The following GMEB2 variants were observed in gnomAD, a reference collection of about 807,000 sequenced individuals.
GMEB2 encodes the protein glucocorticoid modulatory element binding protein 2.
A neutral mutation model predicts 45.7 loss-of-function variants in GMEB2; 7 were observed. The observed-to-expected ratio is 0.15, with a 90% CI of 0.09 to 0.29. GMEB2 has a LOEUF of 0.29. Ranked by LOEUF, GMEB2 falls within the 10% of genes least tolerant of loss-of-function variation. GMEB2 has a pLI of 1.00. For synonymous variants in GMEB2, 322 were observed against 323.6 expected (o/e 1.00, Z 0.05); for missense variants, 582 against 739.2 (o/e 0.79, Z 2.47).
intron 1 of GMEB2, among the ~76,000 whole-genome samples, chr20:63,622,358 G>A (rs1465021090): frequency 2.0e-5 from 3 of 152,162 alleles, no homozygotes; most frequent in Non-Finnish European, 4.4e-5. Flanking sequence ...CCAGGCCTCT[G>A]CAATTATGCC....
chr20:63,603,944 C>T (rs1470262839), intron 3 of GMEB2, among the ~76,000 whole-genome samples: 1 of 151,182 alleles, frequency 6.6e-6, no homozygotes, highest in Non-Finnish European at 1.5e-5. Context: ...ATCTCAGCTA[C>T]TTGGGAGGCT....
chr20:63,615,939 ATCTAT>A (rs1352387111), intron 2 of GMEB2, among the ~76,000 whole-genome samples: 9 of 152,240 alleles, frequency 5.9e-5, no homozygotes, highest in African/African-American at 1.9e-4. Flanking sequence ...ATCTGGAAAG[ATCTAT>A]TCTAAGGTGT....
At chr20:63,626,034 A>G (rs2146100213) in intron 1 of GMEB2, among the ~76,000 whole-genome samples, 1 of 152,372 alleles carries the variant, frequency 6.6e-6, no homozygotes, top group African/African-American at 2.4e-5. Flanking sequence ...TCAGTCACGC[A>G]TGAATTACAC....
At chr20:63,622,829 A>C in intron 1 of GMEB2, among the ~76,000 whole-genome samples, 1 of 152,208 alleles carries the variant, frequency 6.6e-6, no homozygotes. Flanking sequence ...ACCCATTCTC[A>C]AAGAAAAGGA....
intron 2 of GMEB2, among the ~76,000 whole-genome samples, chr20:63,609,481 G>C (rs1200779575): frequency 2.1e-5 from 1 of 46,564 alleles, no homozygotes; most frequent in Non-Finnish European, 5.6e-5. Context: ...ATGTCCCTCT[G>C]ACCCCACATC....
Position 63,589,472 on chromosome 20 carries a change from G to C in GMEB2, c.*617C>G, listed in dbSNP as rs1009363751. The C allele has an allele frequency of 5.4e-5, 17 of 312,352 alleles. No individual in the cohort carries two copies. Among genetic ancestry groups the C allele is most frequent in the African/African-American group, 8.5e-5 (4 of 46,864 alleles). 19.3% of individuals were successfully genotyped at this position (312,352 alleles called of 1,614,324 possible). ...GGCCACCTGAGCACCGGCTGGGGGC[G>C]GGGGAGGCAGGCACCCATCAGGATC... On this transcript the variant is annotated 3_prime_UTR_variant, in exon 10 of 10. Coordinates refer to ENST00000370077, the MANE Select transcript of GMEB2 (RefSeq NM_012384.5).
rs532928401 is a variant in GMEB2 at position 63,588,557 on chromosome 20, C to T, written c.*1532G>A. 8 of 397,274 alleles carry T rather than the reference C, an allele frequency of 2.0e-5. No homozygotes were observed. Among genetic ancestry groups the T allele is most frequent in the African/African-American group, 6.2e-5 (3 of 48,762 alleles). 24.6% of individuals were successfully genotyped at this position (397,274 alleles called of 1,614,324 possible). ...TGTAACAGAGAAAACAAACAAGACA[C>T]AGCCTCAGTAGCTTGACATGGGTGA... is the stretch of plus-strand genomic sequence containing the variant. On this transcript the variant is annotated 3_prime_UTR_variant, in exon 10 of 10. Coordinates refer to ENST00000370077, the MANE Select transcript of GMEB2 (RefSeq NM_012384.5).
At chr20:63,607,632 C>T (rs202077658) in intron 2 of GMEB2, among the ~76,000 whole-genome samples, 4 of 14,864 alleles carry the variant, frequency 2.7e-4, no homozygotes, top group Non-Finnish European at 1.3e-3. Context: ...TAGAAACATG[C>T]CCCTCTGACC....
Position 63,619,457 on chromosome 20 carries a change from G to A in GMEB2, c.-57-3C>T. 8.9e-6 allele frequency: 14 copies of A among 1,574,036 alleles called. No homozygotes were observed. Among genetic ancestry groups the A allele is most frequent in the Non-Finnish European group, 9.5e-6 (11 of 1,161,842 alleles). Reference sequence around the variant, plus strand: ...TCAGTCCTCCAGGGTCCCAAGTCCTGGAGGAAGCAAGGCAGGGCACAGGGA... The same window carrying A: ...TCAGTCCTCCAGGGTCCCAAGTCCTAGAGGAAGCAAGGCAGGGCACAGGGA... On this transcript the variant is annotated splice_region_variant and splice_polypyrimidine_tract_variant and intron_variant, in intron 1 of 9. Coordinates refer to ENST00000370077, the MANE Select transcript of GMEB2 (RefSeq NM_012384.5). This position sits in a 1 kb window ranked among gnomAD's most constrained non-coding sequence, Gnocchi z 4.6.
chr20:63,597,149 TTCC>T (rs1469237087), intron 5 of GMEB2, among the ~76,000 whole-genome samples: 1 of 147,012 alleles, frequency 6.8e-6, no homozygotes, highest in Non-Finnish European at 1.5e-5. Context: ...CCCTTTTCTT[TTCC>T]TTTTTATTCT....
Position 63,590,507 on chromosome 20 carries a change from T to C in GMEB2, c.1175A>G (p.Gln392Arg). The stretch of plus-strand genomic sequence containing the variant: ...TTTACCAAGGGGCACGCTGGTCAGC[T>C]GGGGGACGGGCACGCCCGGGCCAAG... ...LALGPGVPVP[Q>R]LTSVPLGKVV... The change falls in exon 10 of 10, where the codon CAG becomes CGG. Residue 392 changes from glutamine (Q) to arginine (R), a missense_variant. Gln to Arg is a conservative substitution (Grantham distance 43, BLOSUM62 1). Around this residue, in one of 3 missense-constraint regions of GMEB2, gnomAD observed 462 missense variants for 586.7 expected, o/e 0.79. Coordinates refer to ENST00000370077, the MANE Select transcript of GMEB2 (RefSeq NM_012384.5). 1 of 1,507,368 alleles carries C rather than the reference T, an allele frequency of 6.6e-7. No homozygotes were observed. Among genetic ancestry groups the C allele is most frequent in the East Asian group, 2.4e-5 (1 of 42,388 alleles). The allele number at this position is 1,507,368 out of a possible 1,614,324, so 93.4% of individuals were successfully genotyped here. A position where few individuals can be genotyped will look rare whatever the true frequency, so the allele number is the denominator to read the frequency against.
At chr20:63,600,742 C>T (rs961830723) in intron 4 of GMEB2, among the ~76,000 whole-genome samples, 6 of 129,574 alleles carry the variant, frequency 4.6e-5, no homozygotes, top group African/African-American at 1.7e-4. Flanking sequence ...AAAAAAAAGA[C>T]GGAGCAGCTT....
Position 63,590,124 on chromosome 20 carries a change from C to A in GMEB2, c.1558G>T (p.Val520Leu), listed in dbSNP as rs755080232. 2 of 1,535,574 alleles carry A rather than the reference C, an allele frequency of 1.3e-6. No homozygotes were observed. Among genetic ancestry groups the A allele is most frequent in the Non-Finnish European group, 1.8e-6 (2 of 1,140,050 alleles). The change falls in exon 10 of 10, where the codon GTG (valine) becomes TTG (leucine). Residue 520 changes from valine to leucine, a missense_variant. Val to Leu is a conservative substitution (Grantham distance 32, BLOSUM62 1). Coordinates refer to ENST00000370077, the MANE Select transcript of GMEB2 (RefSeq NM_012384.5). ...TCGTGGTCCTCTGCCATGGCAGCCA[C>A]CTCAATGGTGGCCGTGTGCTCCTCA... ...GPEEHTATIE[V>L]AAMAEDHERK
In GMEB2 at chr20:63,601,317, T is replaced by C. The variant is rs901820679; in HGVS notation, c.357+1648A>G. Among the ~76,000 whole-genome samples the C allele has an allele frequency of 2.6e-5, 4 of 152,174 alleles. No individual in the cohort carries two copies. The South Asian group carries it at 6.2e-4, about 24-fold the overall frequency. On this transcript the variant is annotated intron_variant, in intron 4 of 9. Coordinates refer to ENST00000370077, the MANE Select transcript of GMEB2 (RefSeq NM_012384.5). The stretch of plus-strand genomic sequence containing the variant: ...ACTGTGGACCACTCTTTCTCAGTTA[T>C]GAAAGTTCTCAGACTCTCTCTCCTC...
chr20:63,594,452 C>A (rs1390471752), intron 6 of GMEB2, among the ~76,000 whole-genome samples: 1 of 152,206 alleles, frequency 6.6e-6, no homozygotes, highest in Non-Finnish European at 1.5e-5. Flanking sequence ...CTGGGCTTCT[C>A]AGGACTCAGC....
At chr20:63,621,233 CA>C (rs2089640574) in intron 1 of GMEB2, among the ~76,000 whole-genome samples, 1 of 151,884 alleles carries the variant, frequency 6.6e-6, no homozygotes, top group Admixed American at 6.6e-5. Context: ...CAGAAGTGAC[CA>C]GGGGCTGGGG....
chr20:63,618,909 C>A (rs999755562), intron 2 of GMEB2, among the ~76,000 whole-genome samples: 1 of 152,230 alleles, frequency 6.6e-6, no homozygotes, highest in Non-Finnish European at 1.5e-5. Context: ...AAAACACTCA[C>A]AGTTTCATGA....
chr20:63,606,973 G>A (rs958463955), intron 2 of GMEB2, among the ~76,000 whole-genome samples: 1 of 152,210 alleles, frequency 6.6e-6, no homozygotes, highest in Non-Finnish European at 1.5e-5. Flanking sequence ...CTCCAATGGA[G>A]TCGTTGGTGA....
At chr20:63,614,624 C>T (rs188786399) in intron 2 of GMEB2, among the ~76,000 whole-genome samples, 5 of 152,328 alleles carry the variant, frequency 3.3e-5, no homozygotes, top group East Asian at 3.9e-4. Flanking sequence ...GAGGCCTAAC[C>T]GTCTCCCTGT....
Sources: allele counts gnomAD v4.1 joint callset (sites outside exome capture counted in the v4.1 genomes callset), GRCh38; gene constraint gnomAD v4.1.1; regional missense constraint gnomAD v4.1.1; non-coding constraint Gnocchi (gnomAD v3.1); transcripts MANE v1.5; gene names NCBI Gene and HGNC (gene_info 2026-07-23, HGNC 2026-07-21).